Variants in SARS2 observed in about 807,000 individuals in gnomAD.
SARS2 encodes the protein serine--tRNA ligase, mitochondrial.
SARS2 carries 52 observed loss-of-function variants against 66.8 expected under a neutral mutation model. The ratio of observed to expected loss-of-function variants is 0.78; its 90% CI spans 0.62 to 0.98. The LOEUF is 0.98. SARS2 is among the 50% of genes least tolerant of loss of function. The pLI is 0.00. For synonymous variants in SARS2, 306 were observed against 281.4 expected, an observed-to-expected ratio of 1.09 and a Z score of -0.87; for missense variants, 673 against 706.3, an observed-to-expected ratio of 0.95 and a Z score of 0.53.
At chr19:38,922,161 A>G (rs773476575) in intron 3 of SARS2, 77 bp downstream of exon 3, 1 of 1,600,612 alleles carries the variant, frequency 6.2e-7, no homozygotes, top group Non-Finnish European at 8.6e-7. Flanking sequence ...TTCTGTTACA[A>G]TAGTAGAATC....
In SARS2 at chr19:38,920,185, G is replaced by A. The variant is rs368585580; in HGVS notation, c.590-36C>T. On this transcript the variant is annotated intron_variant, in intron 5 of 15. Coordinates refer to ENST00000221431, the MANE Select transcript of SARS2 (RefSeq NM_017827.4). The stretch of plus-strand genomic sequence containing the variant: ...GTGAAAAGCACCGGTGTAAGGCAGC[G>A]GGGAGAGAGGGATGGGGCCCAGATA... The A allele has an allele frequency of 1.5e-5, 23 of 1,517,274 alleles. No homozygotes were observed. The African/African-American group carries it at 2.5e-4, about 16-fold the overall frequency. The allele number at this position is 1,517,274 out of a possible 1,614,324, so 94.0% of individuals were successfully genotyped here. A position where few individuals can be genotyped will look rare whatever the true frequency, so the allele number is the denominator to read the frequency against.
rs1459210318 is a variant in SARS2, at chr19:38,919,868, C to T, written c.654-1G>A. ...GTGGCCAGACACGTGGGACAGGCGC[C>T]TGGGAGACAGACAGACAGGCGGGTG... On this transcript the variant is annotated splice_acceptor_variant, in intron 6 of 15. Transcript: ENST00000221431. LOFTEE classifies it high-confidence loss of function. 3 of 1,613,488 alleles carry T rather than the reference C, an allele frequency of 1.9e-6. No homozygotes were observed. Among genetic ancestry groups the T allele is most frequent in the Non-Finnish European group, 2.5e-6 (3 of 1,179,672 alleles).
chr19:38,915,433 T>C lies in SARS2; in HGVS notation c.*173A>G. On this transcript the variant is annotated 3_prime_UTR_variant, in exon 16 of 16. Transcript: ENST00000221431. Reference sequence around the variant, plus strand: ...TGATAACAGGGTCAGTGACTGACTCTGAGGCAGCAAGGACAGAGGAGAGGT... The same window carrying C: ...TGATAACAGGGTCAGTGACTGACTCCGAGGCAGCAAGGACAGAGGAGAGGT... 1 of 676,632 alleles carries C rather than the reference T, an allele frequency of 1.5e-6. No homozygotes were observed. Among genetic ancestry groups the C allele is most frequent in the Non-Finnish European group, 2.5e-6 (1 of 397,304 alleles). 41.9% of individuals were successfully genotyped at this position (676,632 alleles called of 1,614,324 possible).
At chr19:38,922,371 T>G in intron 2 of SARS2, 104 bp from the exon 3 acceptor site, 1 of 1,111,718 alleles carries the variant, frequency 9.0e-7, no homozygotes, top group Non-Finnish European at 1.4e-6. Context: ...CTTAGTCTCC[T>G]GCTCTGTCAG....
intron 2 of SARS2, among the ~76,000 whole-genome samples, chr19:38,925,408 A>C (rs916674083): frequency 6.6e-6 from 1 of 152,208 alleles, no homozygotes; most frequent in African/African-American, 2.4e-5. Flanking sequence ...GTTCAGGGGA[A>C]GTGGGCCCAG....
chr19:38,918,047 A>T lies in SARS2; in HGVS notation c.963-39T>A, dbSNP rs369982598. Reference sequence around the variant, plus strand: ...GGGAAAGTCGGGTCAAGGAGGGAAGACTGATTGTCACAGGTGGGGTCAAGG... The same window carrying T: ...GGGAAAGTCGGGTCAAGGAGGGAAGTCTGATTGTCACAGGTGGGGTCAAGG... On this transcript the variant is annotated intron_variant, in intron 10 of 15. Transcript: ENST00000221431. 150 of 1,603,132 alleles carry T rather than the reference A, an allele frequency of 9.4e-5. No individual in the cohort carries two copies. In the African/African-American group the frequency reaches 1.8e-3, roughly 19 times the overall value.
At chr19:38,918,362 G>A (rs1029967366) in intron 9 of SARS2, 60 bp downstream of exon 9, 31 of 1,476,632 alleles carry the variant, frequency 2.1e-5, no homozygotes, top group Non-Finnish European at 2.7e-5. Flanking sequence ...CTCCCTGGAC[G>A]CTCCCAGTTG....
At chr19:38,926,591 G>T (rs1974632014) in intron 1 of SARS2, among the ~76,000 whole-genome samples, 1 of 151,966 alleles carries the variant, frequency 6.6e-6, no homozygotes, top group Non-Finnish European at 1.5e-5. Flanking sequence ...TTCAAGACCA[G>T]CCTGGTCAAC....
At chr19:38,918,332 G>A in intron 9 of SARS2, 90 bp downstream of exon 9, 1 of 1,296,984 alleles carries the variant, frequency 7.7e-7, no homozygotes, top group Non-Finnish European at 1.1e-6. Context: ...GCTGCTCGGG[G>A]CAGGTGATCC....
In SARS2 at chr19:38,920,157, T is replaced by C; in HGVS notation, c.590-8A>G. 6.4e-7 allele frequency: 1 copy of C among 1,557,044 alleles called. No individual in the cohort carries two copies. Among genetic ancestry groups the C allele is most frequent in the South Asian group, 1.2e-5 (1 of 84,400 alleles). ...GAGGTTGGAAGGAGAAAACTGGATG[T>C]GGGTGAAAAGCACCGGTGTAAGGCA... On this transcript the variant is annotated splice_polypyrimidine_tract_variant and splice_region_variant and intron_variant, in intron 5 of 15. Coordinates refer to ENST00000221431, the MANE Select transcript of SARS2 (RefSeq NM_017827.4).
Position 38,921,572 on chromosome 19 carries a change from G to A in SARS2, c.489C>T (p.Phe163=), listed in dbSNP as rs1407638579. 3 of 1,614,108 alleles carry A rather than the reference G, an allele frequency of 1.9e-6. No homozygotes were observed. The highest frequency in any genetic ancestry group is 8.5e-7 in the Non-Finnish European group (1 of 1,180,040). Residue 163 remains phenylalanine (F), a synonymous_variant, in exon 4 of 16, where the codon TTC becomes TTT. Coordinates refer to ENST00000221431, the MANE Select transcript of SARS2 (RefSeq NM_017827.4). The part of the protein sequence containing the change: ...YPREAQLEEQ[F]YLQALKLPNQ... ...TGGGCAGCTTCAGCGCCTGCAGGTAGAACTGCTCCTCAAGCTGGGCCTCCC... is the reference window on the plus strand; with the variant it reads ...TGGGCAGCTTCAGCGCCTGCAGGTAAAACTGCTCCTCAAGCTGGGCCTCCC...
At chr19:38,917,685 C>T in intron 12 of SARS2, 39 bp downstream of exon 12, 4 of 1,028,712 alleles carry the variant, frequency 3.9e-6, no homozygotes, top group South Asian at 1.3e-5. Context: ...TCCCCTACCC[C>T]ACCCCTGCCA....
At chr19:38,926,175 C>T in intron 2 of SARS2, 30 bp downstream of exon 2, 4 of 1,579,708 alleles carry the variant, frequency 2.5e-6, no homozygotes, top group Non-Finnish European at 3.5e-6. Flanking sequence ...CTCGTGGCCA[C>T]TCCCCACCTA....
rs773613553 is a variant in SARS2, at chr19:38,918,162, G to A, written c.917-23C>T. 5.0e-6 allele frequency: 8 copies of A among 1,585,242 alleles called. No homozygotes were observed. The South Asian group carries it at 8.0e-5, about 16-fold the overall frequency. Reference sequence around the variant, plus strand: ...AGCCTGGGAGGAGAGACCACAGGGTGAGCCAGGGCTGCCAGTGCCCAGAGG... The same window carrying A: ...AGCCTGGGAGGAGAGACCACAGGGTAAGCCAGGGCTGCCAGTGCCCAGAGG... On this transcript the variant is annotated intron_variant, in intron 9 of 15. Transcript: ENST00000221431.
chr19:38,929,609 T>C (rs1222353872), intron 1 of SARS2, among the ~76,000 whole-genome samples: 1 of 150,510 alleles, frequency 6.6e-6, no homozygotes, highest in Non-Finnish European at 1.5e-5. Context: ...AAGCACAGGT[T>C]AAAATTCCCA....
chr19:38,930,165 G>A (rs920512814), intron 1 of SARS2: 4 of 371,022 alleles, frequency 1.1e-5, no homozygotes, highest in Middle Eastern at 7.7e-4. Flanking sequence ...GCTGGCATGA[G>A]GTTGCAGCAC....
intron 2 of SARS2, among the ~76,000 whole-genome samples, chr19:38,925,141 C>T (rs1974606035): frequency 6.6e-6 from 1 of 152,026 alleles, no homozygotes; most frequent in Admixed American, 6.6e-5. Flanking sequence ...TGGTGAAACC[C>T]TATCTCTACT....
rs146863781 is a variant in SARS2, at chr19:38,921,249, C to A, written c.589+143G>T. 1.3e-3 allele frequency: 1,068 copies of A among 849,244 alleles called. 4 individuals are homozygous for A. In the African/African-American group the frequency reaches 0.016, roughly 13 times the overall value. 52.6% of individuals were successfully genotyped at this position (849,244 alleles called of 1,614,324 possible). A position where few individuals can be genotyped will look rare whatever the true frequency, so the allele number is the denominator to read the frequency against. ...AGAGACAGCTCGAGCTCGGCCAAGG[C>A]AGGAAGCTGGAGCCACCTCCTGTAC... On this transcript the variant is annotated intron_variant, in intron 5 of 15. Coordinates refer to ENST00000221431, the MANE Select transcript of SARS2 (RefSeq NM_017827.4).
In SARS2 at chr19:38,918,458, G is replaced by C; in HGVS notation, c.880C>G (p.Leu294Val). 6.2e-7 allele frequency: 1 copy of C among 1,614,218 alleles called. No individual in the cohort carries two copies. Among genetic ancestry groups the C allele is most frequent in the Non-Finnish European group, 8.5e-7 (1 of 1,180,014 alleles). The change falls in exon 9 of 16, where the codon CTC (leucine) becomes GTC (valine). Residue 294 changes from leucine to valine, a missense_variant. By Grantham distance (32) the Leu-to-Val change is conservative (BLOSUM62 1). Coordinates refer to ENST00000221431, the MANE Select transcript of SARS2 (RefSeq NM_017827.4). ...ACCTCCGCTGTTCCAGCCAGGTTGA[G>C]ATCTTTGAAGCGGGCAGGGTCGATG... ...YNIDPARFKD[L>V]NLAGTAEVGL...
Sources: gnomAD v4.1 joint callset for allele counts (sites outside exome capture counted in the v4.1 genomes callset) on GRCh38, gnomAD v4.1.1 for gene constraint, MANE v1.5 for transcripts, NCBI Gene and HGNC (gene_info 2026-07-23, HGNC 2026-07-21) for gene names.